Variants in AR observed in about 807,000 individuals in gnomAD.
AR encodes the protein dihydrotestosterone receptor.
AR carries 8 observed loss-of-function variants against 53.9 expected under a neutral mutation model. The observed-to-expected ratio is 0.15, with a 90% CI of 0.09 to 0.27. AR has a LOEUF of 0.27. AR is among the 10% of genes least tolerant of loss of function. AR has a pLI of 1.00. For missense variants in AR, 639 were observed against 742.5 expected, an observed-to-expected ratio of 0.86 and a Z score of 1.62; for synonymous variants, 359 against 316.4, an observed-to-expected ratio of 1.13 and a Z score of -1.43.
At chrX:67,639,387 G>C (rs1279839394) in intron 1 of AR, among the ~76,000 whole-genome samples, 1 of 111,535 alleles carries the variant, frequency 9.0e-6, no homozygotes, top group African/African-American at 3.3e-5. Context: ...GGTTAGTATT[G>C]AATCTGTAAA....
intron 1 of AR, among the ~76,000 whole-genome samples, chrX:67,566,310 TCA>T (rs1451283852): frequency 2.7e-5 from 3 of 111,800 alleles, no homozygotes; most frequent in Non-Finnish European, 5.6e-5. Flanking sequence ...CTCTAAAATC[TCA>T]CAGACTGGGG....
chrX:67,545,549 C>T lies in AR; in HGVS notation c.403C>T (p.Pro135Ser), dbSNP rs2147316219. 8.5e-7 allele frequency: 1 copy of T among 1,181,539 alleles called. No individual in the cohort carries two copies. The highest frequency in any genetic ancestry group is 1.1e-6 in the Non-Finnish European group (1 of 880,423). The change falls in exon 1 of 8, where the codon CCT becomes TCT. Residue 135 changes from proline to serine, a missense_variant. Physicochemically the swap from Pro to Ser is moderately conservative, Grantham distance 74. Coordinates refer to ENST00000374690, the MANE Select transcript of AR (RefSeq NM_000044.6). ...CCCCGAGAGAGGTTGCGTCCCAGAG[C>T]CTGGAGCCGCCGTGGCCGCCAGCAA... ...CHPERGCVPE[P>S]GAAVAASKGL...
intron 1 of AR, among the ~76,000 whole-genome samples, chrX:67,592,775 C>A (rs903441273): frequency 9.1e-6 from 1 of 110,156 alleles, no homozygotes; most frequent in African/African-American, 3.3e-5. Flanking sequence ...TCAAGCATAT[C>A]CTAAAAGGAA....
intron 3 of AR, among the ~76,000 whole-genome samples, chrX:67,705,119 G>A (rs2076060368): frequency 9.0e-6 from 1 of 111,342 alleles, no homozygotes; most frequent in Non-Finnish European, 1.9e-5. Context: ...GGATTGTCTT[G>A]GCAATGCAGG....
intron 2 of AR, among the ~76,000 whole-genome samples, chrX:67,676,670 C>T (rs1159248501): frequency 9.0e-6 from 1 of 111,641 alleles, no homozygotes; most frequent in African/African-American, 3.3e-5. Context: ...TCTTAATCCC[C>T]AGCAGACAGG....
intron 2 of AR, among the ~76,000 whole-genome samples, chrX:67,648,411 G>T (rs1467037257): frequency 9.0e-6 from 1 of 110,956 alleles, no homozygotes; most frequent in African/African-American, 3.3e-5. Context: ...AAGGGCTTTG[G>T]GGACTCTCTG....
At chrX:67,649,073 G>A (rs1249883525) in intron 2 of AR, among the ~76,000 whole-genome samples, 1 of 111,147 alleles carries the variant, frequency 9.0e-6, no homozygotes, top group African/African-American at 3.3e-5. Flanking sequence ...CCCTCCCTGT[G>A]TCCATGTGTT....
At chrX:67,575,607 G>T (rs1922011498) in intron 1 of AR, among the ~76,000 whole-genome samples, 1 of 111,934 alleles carries the variant, frequency 8.9e-6, no homozygotes, top group African/African-American at 3.2e-5. Context: ...TCAGAAACTA[G>T]ACTTTAAGAG....
chrX:67,686,162 C>G (rs749026706), intron 3 of AR, 36 bp downstream of exon 3: 19 of 1,154,112 alleles, frequency 1.6e-5, no homozygotes, highest in Non-Finnish European at 2.2e-5. Flanking sequence ...CCTCCTTCCT[C>G]TCTCCCCCTT....
At position 67,546,508 on chromosome X, in the gene AR, GGGT is replaced by G. The variant is rs746958859; in HGVS notation, c.1368_1370del (p.Gly473del). 23 of 965,678 alleles carry G rather than the reference GGGT, an allele frequency of 2.4e-5. No individual in the cohort carries two copies. The highest frequency in any genetic ancestry group is 1.7e-4 in the African/African-American group (7 of 41,171). The allele number at this position is 965,678 out of a possible 1,213,427, so 79.6% of individuals were successfully genotyped here. On this transcript the variant is annotated inframe_deletion, in exon 1 of 8. Transcript: ENST00000374690. ...TGTATGGACCGTGTGGTGGTGGTGGGGGTGGTGGCGGCGGCGGCGGCGGCGGCG... is the reference window on the plus strand; with the variant it reads ...TGTATGGACCGTGTGGTGGTGGTGGGGGTGGCGGCGGCGGCGGCGGCGGCG...
At chrX:67,633,154 G>A (rs1463979651) in intron 1 of AR, among the ~76,000 whole-genome samples, 1 of 111,910 alleles carries the variant, frequency 8.9e-6, no homozygotes, top group Non-Finnish European at 1.9e-5. Flanking sequence ...TTTAATTTAG[G>A]TTCAGAGGTA....
chrX:67,643,421 C>A lies in AR; in HGVS notation c.1768+14C>A, dbSNP rs1671337776. 1 of 1,202,564 alleles carries A rather than the reference C, an allele frequency of 8.3e-7. No individual in the cohort carries two copies. The highest frequency in any genetic ancestry group is 1.1e-6 in the Non-Finnish European group (1 of 890,369). On this transcript the variant is annotated intron_variant, in intron 2 of 7. Transcript: ENST00000374690. ...GAGCCGCTGAAGGTAAAGGGTCTTG[C>A]ACATGCACTTCTCTTTCCCTTTCTC...
intron 1 of AR, among the ~76,000 whole-genome samples, chrX:67,586,585 G>A (rs982739610): frequency 2.5e-4 from 28 of 112,385 alleles, no homozygotes; most frequent in Admixed American, 3.8e-4. Context: ...AATGTTTGAA[G>A]GTTGAGTGAA....
intron 1 of AR, among the ~76,000 whole-genome samples, chrX:67,593,562 G>A (rs1442490541): frequency 9.0e-6 from 1 of 110,512 alleles, no homozygotes; most frequent in East Asian, 2.9e-4. Flanking sequence ...ATGTTGGCCA[G>A]GATGGTCTCG....
chrX:67,679,947 C>T (rs760267408), intron 2 of AR, among the ~76,000 whole-genome samples: 36 of 111,811 alleles, frequency 3.2e-4, no homozygotes, highest in African/African-American at 1.1e-3. Context: ...CTTATGTTTT[C>T]TTCATTGTCA....
intron 1 of AR, among the ~76,000 whole-genome samples, chrX:67,592,596 T>G (rs1398407082): frequency 9.4e-6 from 1 of 106,844 alleles, no homozygotes; most frequent in Non-Finnish European, 1.9e-5. Flanking sequence ...TCACGTCATG[T>G]GCCCTATTGA....
intron 3 of AR, 146 bp from the exon 4 acceptor site, chrX:67,711,256 A>C: frequency 1.5e-6 from 1 of 678,367 alleles, no homozygotes; most frequent in Non-Finnish European, 2.2e-6. Context: ...CCAGTGTTGA[A>C]TGAGCACTTG....
At chrX:67,630,583 C>T (rs1156857419) in intron 1 of AR, among the ~76,000 whole-genome samples, 5 of 111,179 alleles carry the variant, frequency 4.5e-5, no homozygotes, top group African/African-American at 1.6e-4. Flanking sequence ...TGGGTCTTGA[C>T]TCTTTATCCA....
At chrX:67,656,213 A>T (rs1926581735) in intron 2 of AR, among the ~76,000 whole-genome samples, 1 of 111,611 alleles carries the variant, frequency 9.0e-6, no homozygotes, top group Non-Finnish European at 1.9e-5. Flanking sequence ...TATTTTTTCA[A>T]CAAGCATGTA....
Sources: gnomAD v4.1 joint callset for allele counts (sites outside exome capture counted in the v4.1 genomes callset) on GRCh38, gnomAD v4.1.1 for gene constraint, MANE v1.5 for transcripts, NCBI Gene and HGNC (gene_info 2026-07-23, HGNC 2026-07-21) for gene names.